The following CNTNAP3 variants were observed in gnomAD, a reference collection of about 807,000 sequenced individuals.
The protein encoded by CNTNAP3 is contactin associated protein family member 3.
CNTNAP3 carries 36 observed loss-of-function variants against 92.1 expected under a neutral mutation model. That is an observed-to-expected ratio of 0.39 (90% CI 0.30 to 0.52). The LOEUF (loss-of-function observed/expected upper bound fraction) is 0.52, where lower values mean the gene tolerates loss of function less well. Ranked by LOEUF, CNTNAP3 falls within the 20% of genes least tolerant of loss-of-function variation. The pLI is 0.76. For synonymous variants in CNTNAP3, 232 were observed against 422.3 expected (o/e 0.55, Z 5.53); for missense variants, 534 against 1,069.6 (o/e 0.50, Z 6.98).
At position 39,070,778 on chromosome 9, in the gene CNTNAP3, G is replaced by A. The variant is rs1825620097; in HGVS notation, c.*3112C>T. 6.6e-6 allele frequency among the ~76,000 whole-genome samples: 1 copy of A among 152,280 alleles called. No homozygotes were observed. Among genetic ancestry groups the A allele is most frequent in the Non-Finnish European group, 1.5e-5 (1 of 68,042 alleles). ...GCATGCCTGTATCAAAACATTTCAT[G>A]TACTCCATAAATATATACACCTAGT... On this transcript the variant is annotated 3_prime_UTR_variant, in exon 24 of 24. Coordinates refer to ENST00000297668, the MANE Select transcript of CNTNAP3 (RefSeq NM_033655.5).
chr9:39,105,018 G>T (rs1231926565), intron 15 of CNTNAP3, among the ~76,000 whole-genome samples: 1 of 152,118 alleles, frequency 6.6e-6, no homozygotes, highest in East Asian at 1.9e-4. Flanking sequence ...TCATCCAATG[G>T]TTTTACAATA....
In CNTNAP3 at chr9:39,099,044, T is replaced by G. The variant is rs2315479; in HGVS notation, c.2995+867A>C. ...GGAGTGAGTGCAGTGGTGCGATCTCTACTCACTGCAACCTCTGCCTCCCGG... is the reference window on the plus strand; with the variant it reads ...GGAGTGAGTGCAGTGGTGCGATCTCGACTCACTGCAACCTCTGCCTCCCGG... On this transcript the variant is annotated intron_variant, in intron 18 of 23. Transcript: ENST00000297668. Among the ~76,000 whole-genome samples, 594 of 151,834 alleles carry G rather than the reference T, an allele frequency of 3.9e-3. 3 individuals are homozygous for G. The highest frequency in any genetic ancestry group is 0.013 in the African/African-American group (548 of 41,386).
At chr9:39,159,532 A>T (rs1180239908) in intron 9 of CNTNAP3, 1 of 132,154 alleles carries the variant, frequency 7.6e-6, no homozygotes, top group Non-Finnish European at 1.6e-5. Flanking sequence ...GGGTTTCACC[A>T]TGTTAGCCAG....
chr9:39,141,691 T>C (rs1456656356), intron 11 of CNTNAP3, among the ~76,000 whole-genome samples: 1 of 152,160 alleles, frequency 6.6e-6, no homozygotes, highest in African/African-American at 2.4e-5. Flanking sequence ...GATACATATA[T>C]TTGTATATGT....
At chr9:39,146,930 T>C (rs1821716961) in intron 10 of CNTNAP3, among the ~76,000 whole-genome samples, 1 of 152,190 alleles carries the variant, frequency 6.6e-6, no homozygotes, top group African/African-American at 2.4e-5. Flanking sequence ...CCAAATCTCA[T>C]CTTGAATTGT....
At chr9:39,091,249 A>G (rs918218582) in intron 18 of CNTNAP3, among the ~76,000 whole-genome samples, 1 of 151,934 alleles carries the variant, frequency 6.6e-6, no homozygotes, top group Non-Finnish European at 1.5e-5. Context: ...AACTAGTGAG[A>G]GTATACATTC....
At chr9:39,138,618 C>T (rs187315971) in intron 12 of CNTNAP3, among the ~76,000 whole-genome samples, 2 of 152,266 alleles carry the variant, frequency 1.3e-5, no homozygotes, top group East Asian at 3.9e-4. Context: ...GATTTTTCTC[C>T]AACATTCACT....
intron 12 of CNTNAP3, chr9:39,140,090 G>T (rs1821536641): frequency 6.4e-6 from 1 of 155,834 alleles, no homozygotes; most frequent in Admixed American, 6.4e-5. Flanking sequence ...AAATAATCAA[G>T]TTTCTTTGGT....
intron 21 of CNTNAP3, among the ~76,000 whole-genome samples, chr9:39,081,862 A>T (rs1340962704): frequency 2.0e-5 from 3 of 149,822 alleles, no homozygotes; most frequent in Non-Finnish European, 4.4e-5. Context: ...GCGGATGATG[A>T]GGTCAGGAGA....
At chr9:39,107,455 A>G (rs1287702039) in intron 15 of CNTNAP3, among the ~76,000 whole-genome samples, 1 of 152,130 alleles carries the variant, frequency 6.6e-6, no homozygotes, top group Non-Finnish European at 1.5e-5. Context: ...AAGAGAGAAC[A>G]CAAGGAAAGA....
intron 18 of CNTNAP3, among the ~76,000 whole-genome samples, chr9:39,098,378 C>T (rs1016660987): frequency 6.6e-6 from 1 of 151,726 alleles, no homozygotes; most frequent in African/African-American, 2.4e-5. Context: ...CTACTCCACT[C>T]TTTCCATTTC....
At position 39,072,772 on chromosome 9, in the gene CNTNAP3, T is replaced by C. The variant is rs1045161669; in HGVS notation, c.*1118A>G. On this transcript the variant is annotated 3_prime_UTR_variant, in exon 24 of 24. Transcript: ENST00000297668. ...TAGAAAAGGAATTAGTGATCTTCAG[T>C]TAAGCTATTTTTTTAATAAATTGAA... 2.6e-5 allele frequency: 4 copies of C among 152,154 alleles called. No homozygotes were observed. Among genetic ancestry groups the C allele is most frequent in the African/African-American group, 9.7e-5 (4 of 41,414 alleles). The allele number at this position is 152,154 out of a possible 1,614,324, so 9.4% of individuals were successfully genotyped here.
chr9:39,104,762 T>C (rs1384915003), intron 15 of CNTNAP3, among the ~76,000 whole-genome samples: 2 of 152,088 alleles, frequency 1.3e-5, no homozygotes, highest in African/African-American at 2.4e-5. Flanking sequence ...ATACTCATGA[T>C]TGGATTCATG....
In CNTNAP3 at chr9:39,122,380, TA is replaced by T. The variant is rs796367226; in HGVS notation, c.2081-4122del. On this transcript the variant is annotated intron_variant, in intron 13 of 23. Coordinates refer to ENST00000297668, the MANE Select transcript of CNTNAP3 (RefSeq NM_033655.5). ...AAAAATTAAAATAAAATAAAAACAT[TA>T]AAAAAAAATGAGTATACGATGCTTC... 7.2e-3 allele frequency among the ~76,000 whole-genome samples: 1,078 copies of T among 150,316 alleles called. 13 individuals carry two copies. The highest frequency in any genetic ancestry group is 0.024 in the African/African-American group (973 of 41,012).
At chr9:39,083,391 T>C (rs986593103) in intron 21 of CNTNAP3, among the ~76,000 whole-genome samples, 2 of 152,136 alleles carry the variant, frequency 1.3e-5, no homozygotes, top group Non-Finnish European at 2.9e-5. Flanking sequence ...CCAGGTGTGG[T>C]GGCTCACACC....
rs1421029863 is a variant in CNTNAP3 at position 39,073,342 on chromosome 9, C to T, written c.*548G>A. Reference sequence around the variant, plus strand: ...GGCCACTTGGCTCTGGATTCCAGGACTATGGAAATGCCAGTGAAGGTAGTC... The same window carrying T: ...GGCCACTTGGCTCTGGATTCCAGGATTATGGAAATGCCAGTGAAGGTAGTC... On this transcript the variant is annotated 3_prime_UTR_variant, in exon 24 of 24. Coordinates refer to ENST00000297668, the MANE Select transcript of CNTNAP3 (RefSeq NM_033655.5). 1 of 273,616 alleles carries T rather than the reference C, an allele frequency of 3.7e-6. No individual in the cohort carries two copies. Among genetic ancestry groups the T allele is most frequent in the Non-Finnish European group, 7.0e-6 (1 of 142,134 alleles). 16.9% of individuals were successfully genotyped at this position (273,616 alleles called of 1,614,324 possible).
chr9:39,162,105 C>T lies in CNTNAP3; in HGVS notation c.1477+3828G>A, dbSNP rs773346285. On this transcript the variant is annotated intron_variant, in intron 9 of 23. Transcript: ENST00000297668. ...CACAAATTATGCATCTGACAAAGGT[C>T]TAATGTCTGGAATCTATAAGGAACT... Among the ~76,000 whole-genome samples, 31 of 102,522 alleles carry T rather than the reference C, an allele frequency of 3.0e-4. 1 individual carries two copies. The highest frequency in any genetic ancestry group is 5.2e-4 in the Non-Finnish European group (30 of 58,000). 67.3% of individuals were successfully genotyped at this position (102,522 alleles called of 152,430 possible). A position where few individuals can be genotyped will look rare whatever the true frequency, so the allele number is the denominator to read the frequency against.
intron 21 of CNTNAP3, among the ~76,000 whole-genome samples, chr9:39,083,254 A>T (rs1336434135): frequency 6.6e-6 from 1 of 152,088 alleles, no homozygotes; most frequent in African/African-American, 2.4e-5. Context: ...GCTCAGCTGT[A>T]TTCATATGCA....
intron 18 of CNTNAP3, among the ~76,000 whole-genome samples, chr9:39,093,262 G>T (rs1826250723): frequency 7.1e-6 from 1 of 140,188 alleles, no homozygotes; most frequent in Non-Finnish European, 1.6e-5. Flanking sequence ...CTTTTTCTAT[G>T]TGTTTCATTT....
Sources: gnomAD v4.1 joint callset for allele counts (sites outside exome capture counted in the v4.1 genomes callset) on GRCh38, gnomAD v4.1.1 for gene constraint, MANE v1.5 for transcripts, NCBI Gene and HGNC (gene_info 2026-07-23, HGNC 2026-07-21) for gene names.